The following ATOH7 variants were observed in gnomAD, a reference collection of about 807,000 sequenced individuals.
ATOH7 encodes transcription factor ATOH7.
ATOH7 carries 11 observed loss-of-function variants against 11.0 expected under a neutral mutation model. The observed-to-expected ratio is 1.00, with a 90% confidence interval of 0.63 to 1.66. The LOEUF (loss-of-function observed/expected upper bound fraction) is 1.66, where lower values mean the gene tolerates loss of function less well. Ranked by LOEUF, ATOH7 falls within the 40% of genes most tolerant of loss-of-function variation. The pLI is 0.00. For missense variants in ATOH7, 232 were observed against 219.2 expected (o/e 1.06, Z -0.37); for synonymous variants, 98 against 98.3 (o/e 1.00, Z 0.02).
At position 68,231,541 on chromosome 10, in the gene ATOH7, T is replaced by C. The variant is rs772923683; in HGVS notation, c.137A>G (p.Asn46Ser). ...ESAARRRLAA[N>S]ARERRRMQGL... ...CTGCATGCGGCGGCGCTCGCGCGCG[T>C]TGGCCGCCAGGCGCCTGCGCGCCGC... Residue 46 changes from asparagine to serine, a missense_variant, in exon 1 of 1, where the codon AAC becomes AGC. By Grantham distance (46) the Asn-to-Ser change is conservative. Coordinates refer to ENST00000373673, the MANE Select transcript of ATOH7 (RefSeq NM_145178.4). 1.4e-5 allele frequency: 18 copies of C among 1,328,748 alleles called. No homozygotes were observed. Among genetic ancestry groups the C allele is most frequent in the Non-Finnish European group, 1.6e-5 (17 of 1,030,656 alleles). 82.3% of individuals were successfully genotyped at this position (1,328,748 alleles called of 1,614,324 possible).
rs765847663 is a variant in ATOH7, at chr10:68,231,495, G to A, written c.183C>T (p.Asp61=). ...ACTGGGGAACCACCCTGCGTAAGCG[G>A]TCGAAGGCAGTGTTGAGCCCCTGCA... ...RRMQGLNTAF[D]RLRRVVPQWG... is the part of the protein sequence containing the mutation. The change falls in exon 1 of 1, where the codon GAC becomes GAT. Residue 61 remains aspartate (D), a synonymous_variant. Coordinates refer to ENST00000373673, the MANE Select transcript of ATOH7 (RefSeq NM_145178.4). The A allele has an allele frequency of 6.4e-7, 1 of 1,574,700 alleles. No homozygotes were observed. Among genetic ancestry groups the A allele is most frequent in the South Asian group, 1.1e-5 (1 of 87,420 alleles).
rs1253580513 is a variant in ATOH7, at chr10:68,230,988, A to T, written c.*231T>A. 2.5e-5 allele frequency: 11 copies of T among 442,816 alleles called. No individual in the cohort carries two copies. The highest frequency in any genetic ancestry group is 4.3e-5 in the Non-Finnish European group (11 of 255,834). 27.4% of individuals were successfully genotyped at this position (442,816 alleles called of 1,614,324 possible). ...TTTCACAGCAATCAACCCATTCACA[A>T]GATCCATTAATGAAATCTACAAAAT... On this transcript the variant is annotated 3_prime_UTR_variant, in exon 1 of 1. Transcript: ENST00000373673.
chr10:68,231,624 C>A lies in ATOH7; in HGVS notation c.54G>T (p.Pro18=). ...CCGCGCACTCGGTGCCGCCCGCGCA[C>A]GGGGGTGCAACGCGCGCTCCCGCCG... The part of the protein sequence containing the change: ...GPPAGARVAP[P]CAGGTECAGT... Residue 18 remains proline (P), a synonymous_variant, in exon 1 of 1, where the codon CCG becomes CCT. Transcript: ENST00000373673. The A allele has an allele frequency of 8.6e-7, 1 of 1,166,028 alleles. No homozygotes were observed. Among genetic ancestry groups the A allele is most frequent in the Non-Finnish European group, 1.1e-6 (1 of 944,490 alleles). 72.2% of individuals were successfully genotyped at this position (1,166,028 alleles called of 1,614,324 possible). A position where few individuals can be genotyped will look rare whatever the true frequency, so the allele number is the denominator to read the frequency against.
chr10:68,231,547 G>T lies in ATOH7; in HGVS notation c.131C>A (p.Ala44Glu), dbSNP rs762666995. The T allele has an allele frequency of 6.1e-6, 8 of 1,316,658 alleles. No homozygotes were observed. The highest frequency in any genetic ancestry group is 2.8e-5 in the East Asian group (1 of 35,276). 81.6% of individuals were successfully genotyped at this position (1,316,658 alleles called of 1,614,324 possible). A position where few individuals can be genotyped will look rare whatever the true frequency, so the allele number is the denominator to read the frequency against. The change falls in exon 1 of 1, where the codon GCG becomes GAG. Residue 44 changes from alanine to glutamate, a missense_variant. By Grantham distance (107) the Ala-to-Glu change is moderately radical. Coordinates refer to ENST00000373673, the MANE Select transcript of ATOH7 (RefSeq NM_145178.4). ...GCGGCGGCGCTCGCGCGCGTTGGCC[G>T]CCAGGCGCCTGCGCGCCGCGCTCTC... is the stretch of plus-strand genomic sequence containing the variant. ...RLESAARRRL[A>E]ANARERRRMQ...
At position 68,230,835 on chromosome 10, in the gene ATOH7, C is replaced by G; in HGVS notation, c.*384G>C. ...AATGGATACTGTAACTTCACCCGAA[C>G]AGGACAAACTCACAAAGTTTAAGAA... On this transcript the variant is annotated 3_prime_UTR_variant, in exon 1 of 1. Transcript: ENST00000373673. 1 of 181,082 alleles carries G rather than the reference C, an allele frequency of 5.5e-6. No individual in the cohort carries two copies. The allele number at this position is 181,082 out of a possible 1,614,324, so 11.2% of individuals were successfully genotyped here.
chr10:68,230,917 T>C lies in ATOH7; in HGVS notation c.*302A>G. 3.0e-6 allele frequency: 1 copy of C among 338,916 alleles called. No homozygotes were observed. The highest frequency in any genetic ancestry group is 4.7e-5 in the East Asian group (1 of 21,480). 21.0% of individuals were successfully genotyped at this position (338,916 alleles called of 1,614,324 possible). ...TAGCTTAATCCTATTTTTCTTAAGA[T>C]TGTTTTCCCTCAAAGTAGCCCAGAA... On this transcript the variant is annotated 3_prime_UTR_variant, in exon 1 of 1. Transcript: ENST00000373673.
Position 68,231,487 on chromosome 10 carries a change from C to T in ATOH7, c.191G>A (p.Arg64His). The T allele has an allele frequency of 1.9e-6, 3 of 1,595,160 alleles. No individual in the cohort carries two copies. Among genetic ancestry groups the T allele is most frequent in the East Asian group, 2.4e-5 (1 of 42,366 alleles). Residue 64 changes from arginine (R) to histidine (H), a missense_variant, in exon 1 of 1, where the codon CGC (arginine) becomes CAC (histidine). Arg to His is a conservative substitution (Grantham distance 29). Coordinates refer to ENST00000373673, the MANE Select transcript of ATOH7 (RefSeq NM_145178.4). Reference sequence around the variant, plus strand: ...CTGGCCCCACTGGGGAACCACCCTGCGTAAGCGGTCGAAGGCAGTGTTGAG... The same window carrying T: ...CTGGCCCCACTGGGGAACCACCCTGTGTAAGCGGTCGAAGGCAGTGTTGAG... ...QGLNTAFDRL[R>H]RVVPQWGQDK...
Position 68,231,418 on chromosome 10 carries a change from C to T in ATOH7, c.260G>A (p.Ser87Asn). The change falls in exon 1 of 1, where the codon AGC becomes AAC. Residue 87 changes from serine to asparagine, a missense_variant. Physicochemically the swap from Ser to Asn is conservative, Grantham distance 46 (BLOSUM62 1). Transcript: ENST00000373673. ...SKYETLQMAL[S>N]YIMALTRILA... ...GATCCGGGTCAGAGCCATGATGTAG[C>T]TCAGGGCCATCTGCAGGGTCTCGTA... The T allele has an allele frequency of 2.5e-6, 4 of 1,613,828 alleles. No individual in the cohort carries two copies. Among genetic ancestry groups the T allele is most frequent in the Non-Finnish European group, 3.4e-6 (4 of 1,179,892 alleles).
At position 68,231,131 on chromosome 10, in the gene ATOH7, C is replaced by G; in HGVS notation, c.*88G>C. On this transcript the variant is annotated 3_prime_UTR_variant, in exon 1 of 1. Transcript: ENST00000373673. ...CCTCGAGGATTGCATCCTTAGAATC[C>G]TGGGCCGCCGGAGGCTTCTGGGCTA... 7.8e-7 allele frequency: 1 copy of G among 1,285,094 alleles called. No homozygotes were observed. The highest frequency in any genetic ancestry group is 1.0e-6 in the Non-Finnish European group (1 of 979,182). 79.6% of individuals were successfully genotyped at this position (1,285,094 alleles called of 1,614,324 possible).
At position 68,231,393 on chromosome 10, in the gene ATOH7, G is replaced by C. The variant is rs1334873184; in HGVS notation, c.285C>G (p.Ile95Met). The C allele has an allele frequency of 6.2e-7, 1 of 1,613,896 alleles. No individual in the cohort carries two copies. The highest frequency in any genetic ancestry group is 1.3e-5 in the African/African-American group (1 of 74,946). Reference sequence around the variant, plus strand: ...AGCCGAATCGCTCGGCCTCGGCCAGGATCCGGGTCAGAGCCATGATGTAGC... The same window carrying C: ...AGCCGAATCGCTCGGCCTCGGCCAGCATCCGGGTCAGAGCCATGATGTAGC... The part of the protein sequence containing the change: ...ALSYIMALTR[I>M]LAEAERFGSE... Residue 95 changes from isoleucine (I) to methionine (M), a missense_variant, in exon 1 of 1, where the codon ATC becomes ATG. Ile to Met is a conservative substitution (Grantham distance 10, BLOSUM62 1). Coordinates refer to ENST00000373673, the MANE Select transcript of ATOH7 (RefSeq NM_145178.4).
Position 68,231,567 on chromosome 10 carries a change from G to A in ATOH7, c.111C>T (p.Ser37=), listed in dbSNP as rs866193508. 4.8e-6 allele frequency: 6 copies of A among 1,239,662 alleles called. No homozygotes were observed. The highest frequency in any genetic ancestry group is 6.1e-6 in the Non-Finnish European group (6 of 985,314). 76.8% of individuals were successfully genotyped at this position (1,239,662 alleles called of 1,614,324 possible). The change falls in exon 1 of 1, where the codon AGC becomes AGT. Residue 37 remains serine, a synonymous_variant. Coordinates refer to ENST00000373673, the MANE Select transcript of ATOH7 (RefSeq NM_145178.4). ...TGGCCGCCAGGCGCCTGCGCGCCGC[G>A]CTCTCCAGCCGCCCGGCCCCGGCGC... ...GTCAGAGRLE[S]AARRRLAANA...
At position 68,231,311 on chromosome 10, in the gene ATOH7, G is replaced by C; in HGVS notation, c.367C>G (p.Pro123Ala). The C allele has an allele frequency of 6.2e-7, 1 of 1,612,588 alleles. No homozygotes were observed. Among genetic ancestry groups the C allele is most frequent in the Non-Finnish European group, 8.5e-7 (1 of 1,179,602 alleles). Residue 123 changes from proline to alanine, a missense_variant, in exon 1 of 1, where the codon CCG becomes GCG. By Grantham distance (27) the Pro-to-Ala change is conservative (BLOSUM62 -1). Transcript: ENST00000373673. ...CEHFGRDHYL[P>A]FPGAKLPGES... Reference sequence around the variant, plus strand: ...CCCGGCAGCTTCGCGCCCGGGAACGGGAGGTAGTGGTCGCGGCCGAAGTGC... The same window carrying C: ...CCCGGCAGCTTCGCGCCCGGGAACGCGAGGTAGTGGTCGCGGCCGAAGTGC...
chr10:68,231,445 T>C lies in ATOH7; in HGVS notation c.233A>G (p.Lys78Arg). 6.2e-7 allele frequency: 1 copy of C among 1,611,298 alleles called. No homozygotes were observed. Residue 78 changes from lysine (K) to arginine (R), a missense_variant, in exon 1 of 1, where the codon AAG becomes AGG. Physicochemically the swap from Lys to Arg is conservative, Grantham distance 26 (BLOSUM62 2). Coordinates refer to ENST00000373673, the MANE Select transcript of ATOH7 (RefSeq NM_145178.4). ...CAGGGCCATCTGCAGGGTCTCGTAC[T>C]TGGACAGCTTTTTATCCTGGCCCCA... ...PQWGQDKKLSKYETLQMALSY... is the reference protein window; with the variant it reads ...PQWGQDKKLSRYETLQMALSY...
chr10:68,231,269 T>C lies in ATOH7; in HGVS notation c.409A>G (p.Ser137Gly), dbSNP rs1177437887. 1.2e-6 allele frequency: 2 copies of C among 1,603,108 alleles called. No individual in the cohort carries two copies. Among genetic ancestry groups the C allele is most frequent in the Non-Finnish European group, 1.7e-6 (2 of 1,176,272 alleles). ...GGCTGGAAGCCGAAGAGTCTCTGGC[T>C]GTACAGCTCGCTCTCGCCCGGCAGC... ...AKLPGESELY[S>G]QRLFGFQPEP... Residue 137 changes from serine to glycine, a missense_variant, in exon 1 of 1, where the codon AGC becomes GGC. Coordinates refer to ENST00000373673, the MANE Select transcript of ATOH7 (RefSeq NM_145178.4).
At position 68,231,808 on chromosome 10, in the gene ATOH7, G is replaced by A; in HGVS notation, c.-131C>T. The A allele has an allele frequency of 1.9e-6, 1 of 536,656 alleles. No individual in the cohort carries two copies. Among genetic ancestry groups the A allele is most frequent in the African/African-American group, 2.1e-5 (1 of 48,498 alleles). 33.2% of individuals were successfully genotyped at this position (536,656 alleles called of 1,614,324 possible). A position where few individuals can be genotyped will look rare whatever the true frequency, so the allele number is the denominator to read the frequency against. On this transcript the variant is annotated 5_prime_UTR_variant, in exon 1 of 1. The change creates a new upstream start codon in the 5' untranslated region. Coordinates refer to ENST00000373673, the MANE Select transcript of ATOH7 (RefSeq NM_145178.4). ...ATAAGTCATAAACAAAGCAACTCACGTGCAATCAAATAGTTTACAGTGGGG... is the reference window on the plus strand; with the variant it reads ...ATAAGTCATAAACAAAGCAACTCACATGCAATCAAATAGTTTACAGTGGGG...
At position 68,231,405 on chromosome 10, in the gene ATOH7, A is replaced by G; in HGVS notation, c.273T>C (p.Ala91=). 1 of 1,613,982 alleles carries G rather than the reference A, an allele frequency of 6.2e-7. No homozygotes were observed. ...TLQMALSYIM[A]LTRILAEAER... Reference sequence around the variant, plus strand: ...CGGCCTCGGCCAGGATCCGGGTCAGAGCCATGATGTAGCTCAGGGCCATCT... The same window carrying G: ...CGGCCTCGGCCAGGATCCGGGTCAGGGCCATGATGTAGCTCAGGGCCATCT... The change falls in exon 1 of 1, where the codon GCT becomes GCC. Residue 91 remains alanine, a synonymous_variant. Coordinates refer to ENST00000373673, the MANE Select transcript of ATOH7 (RefSeq NM_145178.4).
At position 68,231,505 on chromosome 10, in the gene ATOH7, G is replaced by A. The variant is rs1267313179; in HGVS notation, c.173C>T (p.Thr58Ile). Reference protein sequence around the residue: ...RERRRMQGLNTAFDRLRRVVP... With the variant: ...RERRRMQGLNIAFDRLRRVVP... ...CACCCTGCGTAAGCGGTCGAAGGCA[G>A]TGTTGAGCCCCTGCATGCGGCGGCG... Residue 58 changes from threonine (T) to isoleucine (I), a missense_variant, in exon 1 of 1, where the codon ACT (threonine) becomes ATT (isoleucine). By Grantham distance (89) the Thr-to-Ile change is moderately conservative. Transcript: ENST00000373673. 1 of 1,469,796 alleles carries A rather than the reference G, an allele frequency of 6.8e-7. No homozygotes were observed. The highest frequency in any genetic ancestry group is 1.4e-5 in the African/African-American group (1 of 69,380). The allele number at this position is 1,469,796 out of a possible 1,614,324, so 91.0% of individuals were successfully genotyped here. A position where few individuals can be genotyped will look rare whatever the true frequency, so the allele number is the denominator to read the frequency against.
Position 68,231,831 on chromosome 10 carries a change from G to T in ATOH7, c.-154C>A. On this transcript the variant is annotated 5_prime_UTR_variant, in exon 1 of 1. Transcript: ENST00000373673. ...ACGTGCAATCAAATAGTTTACAGTG[G>T]GGGAGTGCGGGACTCGGCCTTCTGT... The T allele has an allele frequency of 2.6e-6, 1 of 387,566 alleles. No homozygotes were observed. 24.0% of individuals were successfully genotyped at this position (387,566 alleles called of 1,614,324 possible).
Position 68,230,822 on chromosome 10 carries a change from A to T in ATOH7, c.*397T>A, listed in dbSNP as rs1338730223. On this transcript the variant is annotated 3_prime_UTR_variant, in exon 1 of 1. Coordinates refer to ENST00000373673, the MANE Select transcript of ATOH7 (RefSeq NM_145178.4). ...AGCAAACACAAGTAATGGATACTGT[A>T]ACTTCACCCGAACAGGACAAACTCA... The T allele has an allele frequency of 2.3e-5, 4 of 171,588 alleles. No individual in the cohort carries two copies. The highest frequency in any genetic ancestry group is 6.3e-5 in the Admixed American group (1 of 15,774). 10.6% of individuals were successfully genotyped at this position (171,588 alleles called of 1,614,324 possible).
Sources: gnomAD v4.1 joint callset for allele counts on GRCh38, gnomAD v4.1.1 for gene constraint, MANE v1.5 for transcripts, NCBI Gene and HGNC (gene_info 2026-07-23, HGNC 2026-07-21) for gene names.